Variants in C7orf78 observed in about 807,000 individuals in gnomAD.
The protein encoded by C7orf78 is putative uncharacterized protein C7orf78.
chr7:12,531,870 A>C, the C7orf78 span, among the ~76,000 whole-genome samples: 1 of 152,130 alleles, frequency 6.6e-6, no homozygotes, highest in South Asian at 2.1e-4. Context: ...GAGAGAGAGA[A>C]ACATCGGAAA....
chr7:12,525,913 TTAAGA>T, the C7orf78 span: 1 of 396,882 alleles, frequency 2.5e-6, no homozygotes, highest in Non-Finnish European at 4.4e-6. Flanking sequence ...AGGTAAGCTG[TTAAGA>T]TGTTATGAAT....
chr7:12,541,431 A>G, the C7orf78 span: 6 of 152,192 alleles, frequency 3.9e-5, no homozygotes, highest in African/African-American at 1.4e-4. Context: ...TAAAAATCAA[A>G]TATTTTTACT....
At chr7:12,539,095 T>C in the C7orf78 span, among the ~76,000 whole-genome samples, 133 of 152,330 alleles carry the variant, frequency 8.7e-4, no homozygotes, top group African/African-American at 3.1e-3. Flanking sequence ...ACCTTATTTT[T>C]TCCTTTCTCA....
At chr7:12,500,266 C>A in the C7orf78 span, among the ~76,000 whole-genome samples, 1 of 151,966 alleles carries the variant, frequency 6.6e-6, no homozygotes, top group Non-Finnish European at 1.5e-5. Flanking sequence ...ACAAGAAACC[C>A]TTCAAAAAAT....
the C7orf78 span, among the ~76,000 whole-genome samples, chr7:12,532,779 C>T: frequency 6.6e-6 from 1 of 151,992 alleles, no homozygotes; most frequent in Non-Finnish European, 1.5e-5. Flanking sequence ...ATGTCTAGAG[C>T]TTTCTGGAAG....
chr7:12,489,201 T>C, the C7orf78 span, among the ~76,000 whole-genome samples: 1 of 152,084 alleles, frequency 6.6e-6, no homozygotes, highest in Non-Finnish European at 1.5e-5. Context: ...CAATAGTCAG[T>C]ATACATTTCA....
the C7orf78 span, among the ~76,000 whole-genome samples, chr7:12,495,900 A>T: frequency 6.6e-6 from 1 of 152,060 alleles, no homozygotes; most frequent in Non-Finnish European, 1.5e-5. Context: ...TGCGTTCCCA[A>T]ATTTGTGGAG....
chr7:12,500,458 G>A, the C7orf78 span, among the ~76,000 whole-genome samples: 4 of 150,212 alleles, frequency 2.7e-5, no homozygotes, highest in South Asian at 6.4e-4. Flanking sequence ...ACACCTCTAC[G>A]CAAATAAACT....
chr7:12,520,397 C>G, the C7orf78 span, among the ~76,000 whole-genome samples: 1 of 152,294 alleles, frequency 6.6e-6, no homozygotes, highest in Non-Finnish European at 1.5e-5. Flanking sequence ...CTTCTTAGAA[C>G]TGCTTTTGCT....
the C7orf78 span, among the ~76,000 whole-genome samples, chr7:12,494,486 A>G: frequency 6.6e-6 from 1 of 152,176 alleles, no homozygotes; most frequent in Admixed American, 6.5e-5. Flanking sequence ...AAAAACACAA[A>G]TTAACAAGCA....
the C7orf78 span, among the ~76,000 whole-genome samples, chr7:12,496,074 C>T: frequency 6.6e-6 from 1 of 152,058 alleles, no homozygotes; most frequent in Non-Finnish European, 1.5e-5. Flanking sequence ...TACAGGTGCC[C>T]GCCACCACAC....
At chr7:12,538,973 A>G in the C7orf78 span, among the ~76,000 whole-genome samples, 1 of 152,160 alleles carries the variant, frequency 6.6e-6, no homozygotes, top group Non-Finnish European at 1.5e-5. Flanking sequence ...GCAGTTCTGT[A>G]GCTCAGCAAG....
At chr7:12,495,759 C>T in the C7orf78 span, among the ~76,000 whole-genome samples, 2 of 152,096 alleles carry the variant, frequency 1.3e-5, no homozygotes, top group Non-Finnish European at 2.9e-5. Flanking sequence ...ATTATTACCA[C>T]AGTAAATTTT....
the C7orf78 span, among the ~76,000 whole-genome samples, chr7:12,496,116 G>A: frequency 0.26 from 40,104 of 151,896 alleles, 5,953 homozygotes; most frequent in East Asian, 0.51. Flanking sequence ...TAGTAGAGAC[G>A]GGGTTTCACC....
At chr7:12,532,241 G>T in the C7orf78 span, among the ~76,000 whole-genome samples, 1 of 152,030 alleles carries the variant, frequency 6.6e-6, no homozygotes, top group Non-Finnish European at 1.5e-5. Context: ...ATGATTTGGG[G>T]CTGCTTTTCA....
the C7orf78 span, chr7:12,483,713 C>CAAAA: frequency 4.6e-3 from 631 of 136,792 alleles, 11 homozygotes; most frequent in African/African-American, 0.014. Context: ...ACTAAAACTA[C>CAAAA]AAAAAAAAAA....
chr7:12,483,913 A>G, the C7orf78 span: 1 of 151,078 alleles, frequency 6.6e-6, no homozygotes, highest in African/African-American at 2.4e-5. Context: ...AGAAATCTCC[A>G]TGAGAGGACC....
the C7orf78 span, among the ~76,000 whole-genome samples, chr7:12,533,287 A>T: frequency 6.6e-6 from 1 of 151,788 alleles, no homozygotes; most frequent in East Asian, 1.9e-4. Context: ...AGCAACTTTC[A>T]CCTCCCAGGT....
chr7:12,520,001 A>G, the C7orf78 span, among the ~76,000 whole-genome samples: 6 of 152,190 alleles, frequency 3.9e-5, no homozygotes, highest in African/African-American at 1.4e-4. Context: ...TCTCCAGATG[A>G]ACACCCACAC....
Sources: allele counts gnomAD v4.1 joint callset (sites outside exome capture counted in the v4.1 genomes callset), GRCh38; gene constraint gnomAD v4.1.1; transcripts MANE v1.5; gene names NCBI Gene and HGNC (gene_info 2026-07-23, HGNC 2026-07-21).